PLS3: variants seen among roughly 807,000 people sequenced by gnomAD.
PLS3 encodes plastin-3.
A neutral mutation model predicts 46.5 loss-of-function variants in PLS3; 11 were observed. The ratio of observed to expected loss-of-function variants is 0.24; its 90% CI spans 0.15 to 0.39. The LOEUF is 0.39. Ranked by LOEUF, PLS3 falls within the 10% of genes least tolerant of loss-of-function variation. The pLI is 1.00. For missense variants in PLS3, 308 were observed against 461.8 expected (o/e 0.67, Z 3.05); for synonymous variants, 167 against 162.2 (o/e 1.03, Z -0.22).
intron 1 of PLS3, among the ~76,000 whole-genome samples, chrX:115,561,899 A>G (rs1448024105): frequency 1.2e-4 from 13 of 111,386 alleles, no homozygotes; most frequent in African/African-American, 4.2e-4. Context: ...GGCGTCGCGA[A>G]CGCACCTAGT....
At chrX:115,623,804 T>C (rs1351368646) in intron 3 of PLS3, among the ~76,000 whole-genome samples, 2 of 112,275 alleles carry the variant, frequency 1.8e-5, no homozygotes, top group Admixed American at 9.5e-5. Context: ...TGGCTCACCA[T>C]AGCAAGTGAA....
intron 1 of PLS3, among the ~76,000 whole-genome samples, chrX:115,578,830 T>C (rs1043877820): frequency 9.0e-6 from 1 of 111,687 alleles, no homozygotes; most frequent in African/African-American, 3.3e-5. Context: ...AATTAGATTT[T>C]TTAATTAAAC....
chrX:115,603,883 G>A (rs1291572398), intron 1 of PLS3, among the ~76,000 whole-genome samples: 1 of 111,890 alleles, frequency 8.9e-6, no homozygotes, highest in East Asian at 2.8e-4. Flanking sequence ...GTGAAATCGG[G>A]GTTAAACTTT....
At chrX:115,596,431 G>A (rs1362812512) in intron 1 of PLS3, among the ~76,000 whole-genome samples, 3 of 111,757 alleles carry the variant, frequency 2.7e-5, no homozygotes, top group African/African-American at 9.8e-5. Flanking sequence ...GGCTCGTGGA[G>A]GAGATAGAGA....
chrX:115,645,162 C>T (rs887581790), intron 11 of PLS3, 63 bp downstream of exon 11: 25 of 675,442 alleles, frequency 3.7e-5, no homozygotes, highest in South Asian at 5.2e-5. Context: ...TAAATAATGA[C>T]AGCTCTAAAG....
chrX:115,593,007 C>T (rs1170423771), intron 1 of PLS3, among the ~76,000 whole-genome samples: 3 of 111,613 alleles, frequency 2.7e-5, no homozygotes, highest in African/African-American at 9.8e-5. Context: ...ATAGTTCCTA[C>T]ACAGAAGAGC....
intron 1 of PLS3, among the ~76,000 whole-genome samples, chrX:115,602,282 C>T (rs1251994314): frequency 8.9e-6 from 1 of 111,996 alleles, no homozygotes; most frequent in Non-Finnish European, 1.9e-5. Context: ...GCACCCAACA[C>T]AGTGCCTGGT....
intron 5 of PLS3, among the ~76,000 whole-genome samples, chrX:115,633,724 C>A (rs1327757117): frequency 1.8e-5 from 2 of 110,910 alleles, no homozygotes; most frequent in Non-Finnish European, 1.9e-5. Context: ...AACTCCTGGC[C>A]TCAAGCAGTC....
At chrX:115,602,164 C>T (rs1305401845) in intron 1 of PLS3, among the ~76,000 whole-genome samples, 3 of 111,810 alleles carry the variant, frequency 2.7e-5, no homozygotes, top group Admixed American at 9.5e-5. Flanking sequence ...ACTGTGATGG[C>T]ATGATTGCAC....
chrX:115,615,788 A>G (rs781993157), intron 2 of PLS3, among the ~76,000 whole-genome samples: 1 of 112,067 alleles, frequency 8.9e-6, no homozygotes, highest in East Asian at 2.8e-4. Context: ...CATACTGACC[A>G]TATTTTCTAA....
intron 1 of PLS3, among the ~76,000 whole-genome samples, chrX:115,573,359 T>G (rs2074228789): frequency 1.8e-5 from 2 of 111,947 alleles, no homozygotes; most frequent in African/African-American, 6.5e-5. Context: ...AGCCTACAAA[T>G]GAAGGTCAGC....
intron 5 of PLS3, among the ~76,000 whole-genome samples, chrX:115,631,190 G>A (rs1387170526): frequency 1.9e-5 from 2 of 105,082 alleles, no homozygotes; most frequent in East Asian, 2.9e-4. Context: ...TGAGTAGCTG[G>A]GACTACAGGC....
intron 2 of PLS3, among the ~76,000 whole-genome samples, chrX:115,621,350 G>A (rs1398039357): frequency 1.8e-5 from 2 of 112,268 alleles, no homozygotes; most frequent in African/African-American, 3.2e-5. Flanking sequence ...AGGTCATCTT[G>A]AGTCATTTCT....
intron 1 of PLS3, among the ~76,000 whole-genome samples, chrX:115,577,221 C>G (rs2074254023): frequency 8.9e-6 from 1 of 111,778 alleles, no homozygotes. Flanking sequence ...CTCTGAAACT[C>G]ATATCACCCA....
chrX:115,606,419 T>C (rs1381587725), intron 1 of PLS3, among the ~76,000 whole-genome samples: 1 of 110,631 alleles, frequency 9.0e-6, no homozygotes, highest in Non-Finnish European at 1.9e-5. Flanking sequence ...ATTACAGGCA[T>C]GAGCCACTGC....
chrX:115,631,857 G>A (rs1180406023), intron 5 of PLS3, among the ~76,000 whole-genome samples: 1 of 111,706 alleles, frequency 9.0e-6, no homozygotes, highest in Non-Finnish European at 1.9e-5. Flanking sequence ...AGGCTGGAGT[G>A]TAGTGGCGTG....
In PLS3 at chrX:115,636,252, G is replaced by T. The variant is rs1235222220; in HGVS notation, c.749-584G>T. Among the ~76,000 whole-genome samples the T allele has an allele frequency of 1.0e-3, 104 of 99,489 alleles. 1 individual carries two copies. The highest frequency in any genetic ancestry group is 1.6e-3 in the Non-Finnish European group (81 of 49,912). The allele number at this position is 99,489 out of a possible 115,157, so 86.4% of individuals were successfully genotyped here. Reference sequence around the variant, plus strand: ...GACGGAGTCTCGCTCTGTTGCCCAGGCTGGAGTGCAGTGGTGCGATCTTAG... The same window carrying T: ...GACGGAGTCTCGCTCTGTTGCCCAGTCTGGAGTGCAGTGGTGCGATCTTAG... On this transcript the variant is annotated intron_variant, in intron 7 of 15. Transcript: ENST00000355899.
intron 1 of PLS3, among the ~76,000 whole-genome samples, chrX:115,602,768 A>G (rs2074457168): frequency 9.0e-6 from 1 of 111,003 alleles, no homozygotes; most frequent in African/African-American, 3.3e-5. Flanking sequence ...GATTTAAGTA[A>G]TGAGCTTCTC....
rs1358429934 is a variant in PLS3 at position 115,629,273 on chromosome X, G to C, written c.313G>C (p.Ala105Pro). 2.5e-6 allele frequency: 3 copies of C among 1,203,677 alleles called. No homozygotes were observed. The African/African-American group carries it at 5.3e-5, about 21-fold the overall frequency. ...AATCAACAGGAAAGAAGGTATTTGT[G>C]CTCTGGGTGGAACTTCAGAGTTGTC... is the stretch of plus-strand genomic sequence containing the variant. The part of the protein sequence containing the change: ...KAINRKEGIC[A>P]LGGTSELSSE... Residue 105 changes from alanine (A) to proline (P), a missense_variant, in exon 4 of 16, where the codon GCT (alanine) becomes CCT (proline). This residue lies in a region of PLS3 where 271 missense variants were observed against 435.7 expected (regional missense o/e 0.62). Transcript: ENST00000355899.
Sources: gnomAD v4.1 joint callset for allele counts (sites outside exome capture counted in the v4.1 genomes callset) on GRCh38, gnomAD v4.1.1 for gene constraint, gnomAD v4.1.1 regional missense constraint, MANE v1.5 for transcripts, NCBI Gene and HGNC (gene_info 2026-07-23, HGNC 2026-07-21) for gene names.